The following PATJ variants were observed in gnomAD, a reference collection of about 807,000 sequenced individuals.
PATJ encodes the protein PATJ crumbs cell polarity complex component.
PATJ carries 190 observed loss-of-function variants against 224.9 expected under a neutral mutation model. That is an observed-to-expected ratio of 0.84 (90% confidence interval 0.75 to 0.95). The LOEUF (loss-of-function observed/expected upper bound fraction) is 0.95, where lower values mean the gene tolerates loss of function less well. Ranked by LOEUF, PATJ falls within the 40% of genes least tolerant of loss-of-function variation. The pLI, the probability that PATJ is intolerant of heterozygous loss-of-function variation, is 0.00. For missense variants in PATJ, 2,121 were observed against 2,270.3 expected (o/e 0.93, Z 1.34); for synonymous variants, 769 against 820.3 (o/e 0.94, Z 1.07).
At chr1:62,003,905 A>C (rs916983777) in intron 28 of PATJ, among the ~76,000 whole-genome samples, 26 of 151,694 alleles carry the variant, frequency 1.7e-4, no homozygotes, top group African/African-American at 6.0e-4. Flanking sequence ...TCTCCTCCCC[A>C]CCCCGAAAGC....
At chr1:61,833,492 G>A in intron 16 of PATJ, 162 bp from the exon 17 acceptor site, 1 of 563,806 alleles carries the variant, frequency 1.8e-6, no homozygotes, top group Non-Finnish European at 3.0e-6. Context: ...TGGAGTGTGT[G>A]TGCCCCAGAG....
At chr1:61,867,613 T>A (rs34473594) in intron 20 of PATJ, among the ~76,000 whole-genome samples, 10,777 of 150,684 alleles carry the variant, frequency 0.072, 480 homozygotes, top group South Asian at 0.14. Flanking sequence ...ACGTAGGCTG[T>A]AAAGGTAACC....
intron 21 of PATJ, chr1:61,875,600 A>G: frequency 2.9e-6 from 1 of 348,760 alleles, no homozygotes; most frequent in Admixed American, 4.7e-5. Flanking sequence ...TCTCTGCCTC[A>G]TGTTGCATTT....
At chr1:61,829,541 A>G (rs1658943522) in intron 16 of PATJ, among the ~76,000 whole-genome samples, 1 of 152,210 alleles carries the variant, frequency 6.6e-6, no homozygotes, top group Non-Finnish European at 1.5e-5. Context: ...CTAAATGTCA[A>G]CCTTCCTGCC....
intron 8 of PATJ, among the ~76,000 whole-genome samples, chr1:61,789,992 T>C (rs1266174063): frequency 6.6e-6 from 1 of 152,116 alleles, no homozygotes; most frequent in Non-Finnish European, 1.5e-5. Context: ...CTAAGTATTA[T>C]GTATTTAGAC....
At chr1:61,742,669 C>G (rs1644815926) in intron 1 of PATJ, 114 bp downstream of exon 1, 1 of 151,594 alleles carries the variant, frequency 6.6e-6, no homozygotes, top group South Asian at 2.1e-4. Flanking sequence ...TGCCCTGCCC[C>G]CGCGCTCTCC....
At chr1:61,810,009 G>A (rs983658691) in intron 14 of PATJ, among the ~76,000 whole-genome samples, 4 of 151,466 alleles carry the variant, frequency 2.6e-5, no homozygotes, top group African/African-American at 7.3e-5. Context: ...CACCACCCCC[G>A]GCTAATTTTT....
intron 31 of PATJ, among the ~76,000 whole-genome samples, chr1:62,057,583 T>C (rs1654764971): frequency 6.6e-6 from 1 of 152,202 alleles, no homozygotes; most frequent in African/African-American, 2.4e-5. Context: ...CAATATATAT[T>C]CTCATGTTTT....
intron 27 of PATJ, among the ~76,000 whole-genome samples, chr1:61,949,483 A>G (rs944112164): frequency 6.6e-6 from 1 of 152,218 alleles, no homozygotes; most frequent in Non-Finnish European, 1.5e-5. Context: ...AATTATACTC[A>G]GTAAAACTTT....
rs1039570806 is a variant in PATJ, at chr1:62,163,269, G to A, written c.*2215G>A. On this transcript the variant is annotated 3_prime_UTR_variant, in exon 44 of 44. Coordinates refer to ENST00000642238, the MANE Select transcript of PATJ (RefSeq NM_001350145.3). ...ACACATGGCTTTTAAAATTTCTAAT[G>A]TATCCAAGATGTGCAATGTTGTTAG... The A allele has an allele frequency of 6.5e-6, 1 of 153,604 alleles. No individual in the cohort carries two copies. Among genetic ancestry groups the A allele is most frequent in the East Asian group, 1.9e-4 (1 of 5,204 alleles). The allele number at this position is 153,604 out of a possible 1,614,324, so 9.5% of individuals were successfully genotyped here.
intron 20 of PATJ, among the ~76,000 whole-genome samples, chr1:61,868,469 G>T (rs1459082842): frequency 6.6e-6 from 1 of 152,192 alleles, no homozygotes; most frequent in Non-Finnish European, 1.5e-5. Flanking sequence ...CCATGTTGTA[G>T]AATATGTCAG....
intron 33 of PATJ, among the ~76,000 whole-genome samples, chr1:62,097,296 T>A (rs947332731): frequency 6.6e-6 from 1 of 152,202 alleles, no homozygotes; most frequent in African/African-American, 2.4e-5. Flanking sequence ...ACTGGCTATA[T>A]GTGCTGTCTC....
At chr1:61,939,183 A>G (rs1677376722) in intron 27 of PATJ, among the ~76,000 whole-genome samples, 1 of 151,612 alleles carries the variant, frequency 6.6e-6, no homozygotes, top group Admixed American at 6.6e-5. Context: ...TCATAGAAAT[A>G]CTACAAAAAG....
At position 61,864,329 on chromosome 1, in the gene PATJ, T is replaced by C. The variant is rs774200835; in HGVS notation, c.2531T>C (p.Ile844Thr). The change falls in exon 20 of 44, where the codon ATA becomes ACA. Residue 844 changes from isoleucine to threonine, a missense_variant. Transcript: ENST00000642238. ...TCTTTCCATTCCCAACAAAAAGAGA[T>C]AGAGCAAAGCAAGGAGGCCTGGGAG... ...GKSFHSQQKE[I>T]EQSKEAWEMH... 5.6e-6 allele frequency: 9 copies of C among 1,614,024 alleles called. No homozygotes were observed. Among genetic ancestry groups the C allele is most frequent in the East Asian group, 2.2e-5 (1 of 44,890 alleles).
chr1:61,795,615 T>C, intron 10 of PATJ, 57 bp downstream of exon 10: 1 of 1,037,470 alleles, frequency 9.6e-7, no homozygotes, highest in Non-Finnish European at 1.5e-6. Context: ...GGTTGATCAT[T>C]ATTATAATAC....
chr1:62,009,823 G>A (rs1166840786), intron 28 of PATJ, among the ~76,000 whole-genome samples: 4 of 151,986 alleles, frequency 2.6e-5, no homozygotes, highest in Non-Finnish European at 2.9e-5. Context: ...GGTGGCTCAC[G>A]CCTGTAATCC....
intron 43 of PATJ, 63 bp downstream of exon 43, chr1:62,153,544 G>GTGCTT (rs1424768715): frequency 3.6e-6 from 4 of 1,107,434 alleles, no homozygotes; most frequent in Admixed American, 8.5e-5. Flanking sequence ...TTTCTTTTAA[G>GTGCTT]TGCTTTGCTT....
At chr1:62,039,257 C>G (rs536698801) in intron 30 of PATJ, 394 of 337,472 alleles carry the variant, frequency 1.2e-3, no homozygotes, top group Non-Finnish European at 1.8e-3. Flanking sequence ...GAGTAAATTG[C>G]TTTTTAACAT....
chr1:62,101,621 G>A (rs1050545593), intron 33 of PATJ, among the ~76,000 whole-genome samples: 1 of 152,088 alleles, frequency 6.6e-6, no homozygotes, highest in African/African-American at 2.4e-5. Flanking sequence ...CTTCTTCCTG[G>A]TTGTCCATTT....
Sources: allele counts gnomAD v4.1 joint callset (sites outside exome capture counted in the v4.1 genomes callset), GRCh38; gene constraint gnomAD v4.1.1; transcripts MANE v1.5; gene names NCBI Gene and HGNC (gene_info 2026-07-23, HGNC 2026-07-21).